Variants in BST1 observed in about 807,000 individuals in gnomAD.
The protein encoded by BST1 is bone marrow stromal cell antigen 1.
In BST1, 49 loss-of-function variants were observed where a neutral mutation model predicts 40.6. The observed-to-expected ratio is 1.21, with a 90% CI of 0.96 to 1.53. BST1 has a LOEUF of 1.53. Ranked by LOEUF, BST1 falls within the 40% of genes most tolerant of loss-of-function variation. The pLI is 0.00. For missense variants in BST1, 423 were observed against 395.9 expected, an observed-to-expected ratio of 1.07 and a Z score of -0.58; for synonymous variants, 157 against 159.3, an observed-to-expected ratio of 0.99 and a Z score of 0.11.
chr4:15,758,434 A>G, the BST1 span, among the ~76,000 whole-genome samples: 5 of 152,232 alleles, frequency 3.3e-5, no homozygotes, highest in Non-Finnish European at 7.3e-5. Flanking sequence ...ACTTAGGACA[A>G]TGGCCTCCAT....
chr4:15,717,023 T>C (rs758485678), intron 6 of BST1, among the ~76,000 whole-genome samples: 16 of 152,104 alleles, frequency 1.1e-4, no homozygotes, highest in Non-Finnish European at 1.8e-4. Context: ...GTGATCCACC[T>C]GAGGCTTCAG....
chr4:15,772,712 G>T, the BST1 span, among the ~76,000 whole-genome samples: 31 of 152,208 alleles, frequency 2.0e-4, no homozygotes, highest in Non-Finnish European at 4.6e-4. Flanking sequence ...GGAGCTGAGT[G>T]GGGTTAGAAA....
chr4:15,722,975 A>G, intron 8 of BST1, 41 bp downstream of exon 8: 2 of 1,576,946 alleles, frequency 1.3e-6, no homozygotes, highest in Non-Finnish European at 1.7e-6. Context: ...TTCCAAAGAT[A>G]ACCATCTCCT....
downstream of BST1, chr4:15,737,739 C>T (rs1453748773): frequency 7.9e-7 from 1 of 1,266,226 alleles, no homozygotes; most frequent in Non-Finnish European, 1.0e-6. Flanking sequence ...GCTGTATTCC[C>T]TCTAGCACGA....
the BST1 span, among the ~76,000 whole-genome samples, chr4:15,772,661 C>T: frequency 5.9e-5 from 9 of 152,132 alleles, no homozygotes; most frequent in Admixed American, 2.6e-4. Context: ...TGTTATTCAG[C>T]GAGAAGAGTG....
At chr4:15,746,425 G>T in the BST1 span, among the ~76,000 whole-genome samples, 75 of 152,318 alleles carry the variant, frequency 4.9e-4, no homozygotes, top group African/African-American at 1.7e-3. Context: ...CTGGAGACTG[G>T]GAAGTTCAAG....
At chr4:15,771,126 C>T in the BST1 span, among the ~76,000 whole-genome samples, 31 of 152,284 alleles carry the variant, frequency 2.0e-4, no homozygotes, top group South Asian at 6.2e-3. Context: ...TTTCAAGCCT[C>T]AGTGCAGTGT....
intron 4 of BST1, among the ~76,000 whole-genome samples, chr4:15,714,757 G>T (rs773592677): frequency 1.1e-4 from 16 of 152,170 alleles, no homozygotes; most frequent in South Asian, 2.1e-4. Flanking sequence ...TTATTTACAC[G>T]TGACTTACAC....
chr4:15,705,769 A>T, intron 2 of BST1, 128 bp downstream of exon 2: 1 of 1,257,938 alleles, frequency 7.9e-7, no homozygotes, highest in Non-Finnish European at 1.1e-6. Flanking sequence ...GGCAGCACAC[A>T]TAATGTGTGT....
At position 15,718,959 on chromosome 4, in the gene BST1, A is replaced by T. The variant is rs774364119; in HGVS notation, c.757A>T (p.Met253Leu). 139 of 1,614,024 alleles carry T rather than the reference A, an allele frequency of 8.6e-5. 1 individual carries two copies. In the South Asian group the frequency reaches 1.3e-3, roughly 16 times the overall value. The change falls in exon 7 of 9, where the codon ATG becomes TTG. Residue 253 changes from methionine (M) to leucine (L), a missense_variant. By Grantham distance (15) the Met-to-Leu change is conservative (BLOSUM62 2). Transcript: ENST00000265016. ...MKVLEKRLKD[M>L]GFQYSCINDY... ...AGTCCTGGAAAAGAGGCTGAAGGAC[A>T]TGGGGTTCCAGTACAGCTGTATTAA...
intron 4 of BST1, among the ~76,000 whole-genome samples, chr4:15,713,712 CT>C (rs953111553): frequency 6.6e-6 from 1 of 150,850 alleles, no homozygotes; most frequent in South Asian, 2.1e-4. Context: ...TTATTTTTAT[CT>C]TTTTTTTTGA....
the BST1 span, among the ~76,000 whole-genome samples, chr4:15,768,633 A>T: frequency 6.6e-6 from 1 of 152,006 alleles, no homozygotes; most frequent in East Asian, 1.9e-4. Flanking sequence ...AGCTGGGACT[A>T]CAGGCGCCCG....
At chr4:15,749,950 TTG>T in the BST1 span, among the ~76,000 whole-genome samples, 1 of 151,586 alleles carries the variant, frequency 6.6e-6, no homozygotes. Flanking sequence ...TTTTTTTTTT[TTG>T]TATCCATTAA....
chr4:15,723,841 T>G (rs1442465390), intron 8 of BST1, among the ~76,000 whole-genome samples: 1 of 152,144 alleles, frequency 6.6e-6, no homozygotes, highest in Admixed American at 6.5e-5. Context: ...CATTCTCCAC[T>G]CCTCCACGCT....
intron 2 of BST1, among the ~76,000 whole-genome samples, chr4:15,707,028 A>G (rs1719915760): frequency 6.6e-6 from 1 of 152,192 alleles, no homozygotes; most frequent in Admixed American, 6.5e-5. Context: ...TATAAAAGCA[A>G]TGTGTTTTTG....
chr4:15,704,948 G>C, intron 1 of BST1: 1 of 776,308 alleles, frequency 1.3e-6, no homozygotes, highest in Non-Finnish European at 2.4e-6. Flanking sequence ...AGAACCACCT[G>C]TGTTACACAC....
intron 4 of BST1, among the ~76,000 whole-genome samples, chr4:15,713,416 C>T (rs1461536945): frequency 3.3e-5 from 5 of 151,862 alleles, no homozygotes; most frequent in African/African-American, 1.2e-4. Context: ...GAACTCCTGA[C>T]CTCATAATCC....
chr4:15,769,111 T>A, the BST1 span, among the ~76,000 whole-genome samples: 1 of 152,168 alleles, frequency 6.6e-6, no homozygotes, highest in Non-Finnish European at 1.5e-5. Context: ...AATTCCAGCA[T>A]CTCCCTTTTC....
Position 15,731,922 on chromosome 4 carries a change from C to T in BST1, c.*77C>T. On this transcript the variant is annotated 3_prime_UTR_variant, in exon 9 of 9. Coordinates refer to ENST00000265016, the MANE Select transcript of BST1 (RefSeq NM_004334.3). ...AGTCATCATTCGTGTTCTGTGTATA[C>T]CAAATGATTCTGTTATCTAAAGAAG... The T allele has an allele frequency of 6.7e-7, 1 of 1,484,004 alleles. No homozygotes were observed. The highest frequency in any genetic ancestry group is 9.0e-7 in the Non-Finnish European group (1 of 1,113,198). 91.9% of individuals were successfully genotyped at this position (1,484,004 alleles called of 1,614,324 possible). A position where few individuals can be genotyped will look rare whatever the true frequency, so the allele number is the denominator to read the frequency against.
Sources: allele counts gnomAD v4.1 joint callset (sites outside exome capture counted in the v4.1 genomes callset), GRCh38; gene constraint gnomAD v4.1.1; transcripts MANE v1.5; gene names NCBI Gene and HGNC (gene_info 2026-07-23, HGNC 2026-07-21).